The following TRPC3 variants were observed in gnomAD, a reference collection of about 807,000 sequenced individuals.
TRPC3 encodes the protein transient receptor potential cation channel subfamily C member 3.
In TRPC3, 54 loss-of-function variants were observed where a neutral mutation model predicts 90.9. The observed-to-expected ratio is 0.59, with a 90% CI of 0.48 to 0.75. The LOEUF is 0.75. TRPC3 is among the 30% of genes least tolerant of loss of function. The pLI is 0.00. For synonymous variants in TRPC3, 424 were observed against 450.9 expected (o/e 0.94, Z 0.75); for missense variants, 918 against 1,194.5 (o/e 0.77, Z 3.41).
At chr4:121,912,521 G>T (rs1729144632) in intron 4 of TRPC3, among the ~76,000 whole-genome samples, 2 of 152,046 alleles carry the variant, frequency 1.3e-5, no homozygotes, top group South Asian at 4.1e-4. Context: ...ACTCATATAA[G>T]ACCTTAAAAA....
chr4:121,881,354 C>T (rs1019798206), intron 11 of TRPC3, among the ~76,000 whole-genome samples: 6 of 152,112 alleles, frequency 3.9e-5, no homozygotes, highest in East Asian at 1.9e-4. Flanking sequence ...TTTTTTATGC[C>T]GTTTTAGCCA....
chr4:121,876,303 T>C lies in TRPC3; in HGVS notation c.*3433A>G, dbSNP rs1727761381. Among the ~76,000 whole-genome samples, 1 of 152,138 alleles carries C rather than the reference T, an allele frequency of 6.6e-6. No individual in the cohort carries two copies. The highest frequency in any genetic ancestry group is 1.5e-5 in the Non-Finnish European group (1 of 68,028). On this transcript the variant is annotated 3_prime_UTR_variant, in exon 12 of 12. Coordinates refer to ENST00000379645, the MANE Select transcript of TRPC3 (RefSeq NM_001130698.2). ...CTCTAAAAATGTATTTTAAAAACTT[T>C]ATTTAAAAAATTTAAAAAGACATGG...
At chr4:121,935,546 A>G (rs1242670424) in intron 1 of TRPC3, among the ~76,000 whole-genome samples, 1 of 152,180 alleles carries the variant, frequency 6.6e-6, no homozygotes, top group Non-Finnish European at 1.5e-5. Flanking sequence ...CAAATCTTGT[A>G]AATATTATAG....
rs1401204740 is a variant in TRPC3, at chr4:121,907,343, A to C, written c.2017T>G (p.Ser673Ala). 1 of 1,612,998 alleles carries C rather than the reference A, an allele frequency of 6.2e-7. No individual in the cohort carries two copies. The highest frequency in any genetic ancestry group is 8.5e-7 in the Non-Finnish European group (1 of 1,179,372). Residue 673 changes from serine to alanine, a missense_variant, in exon 7 of 12, where the codon TCT becomes GCT. Transcript: ENST00000379645. ...TTAACTTTAGCCCCAAGGTAGTAAG[A>C]ATAAAGTATGAACATGCCAATCATA... The part of the protein sequence containing the change: ...AFMIGMFILY[S>A]YYLGAKVNAA...
chr4:121,926,487 A>G (rs937429600), intron 2 of TRPC3, among the ~76,000 whole-genome samples: 1 of 150,838 alleles, frequency 6.6e-6, no homozygotes, highest in Non-Finnish European at 1.5e-5. Context: ...GCTCACTGCA[A>G]CCTCCGCCTC....
intron 10 of TRPC3, among the ~76,000 whole-genome samples, chr4:121,887,015 T>C (rs993816162): frequency 1.3e-5 from 2 of 152,200 alleles, no homozygotes; most frequent in South Asian, 2.1e-4. Context: ...TGGTTATACA[T>C]TGTTCTTTGT....
rs185102751 is a variant in TRPC3, at chr4:121,892,773, G to A, written c.2547+6839C>T. Among the ~76,000 whole-genome samples the A allele has an allele frequency of 1.8e-3, 281 of 152,110 alleles. 1 individual carries two copies. Among genetic ancestry groups the A allele is most frequent in the Non-Finnish European group, 3.1e-3 (212 of 67,984 alleles). On this transcript the variant is annotated intron_variant, in intron 10 of 11. Transcript: ENST00000379645. ...TTATAAAGCATCAATTTGCCTTAAC[G>A]TGATCAAAATAAAGATACCAGCAGA...
chr4:121,942,946 C>T (rs1398931175), intron 1 of TRPC3, among the ~76,000 whole-genome samples: 1 of 152,208 alleles, frequency 6.6e-6, no homozygotes, highest in African/African-American at 2.4e-5. Context: ...GTTTATGCTT[C>T]TAGGAACTGT....
At chr4:121,918,978 C>A (rs1297535154) in intron 3 of TRPC3, among the ~76,000 whole-genome samples, 1 of 152,192 alleles carries the variant, frequency 6.6e-6, no homozygotes, top group Non-Finnish European at 1.5e-5. Context: ...TTATGCCCAA[C>A]TGGATAACAT....
At chr4:121,884,945 G>C (rs563861063) in intron 10 of TRPC3, among the ~76,000 whole-genome samples, 59 of 152,284 alleles carry the variant, frequency 3.9e-4, no homozygotes, top group African/African-American at 1.4e-3. Context: ...ACATATCAGG[G>C]ATCTGGTTAA....
At position 121,951,433 on chromosome 4, in the gene TRPC3, G is replaced by A. The variant is rs1423195074; in HGVS notation, c.215+33C>T. On this transcript the variant is annotated intron_variant, in intron 1 of 11. Coordinates refer to ENST00000379645, the MANE Select transcript of TRPC3 (RefSeq NM_001130698.2). The surrounding 1 kb of genome is among the most constrained non-coding windows in gnomAD (Gnocchi z 4.4). The stretch of plus-strand genomic sequence containing the variant: ...CGCCCCCCGCCCGGCACCGCCCTCC[G>A]AGGCGCGGGCCGCGGCCGGGCCCGG... 3.4e-6 allele frequency: 4 copies of A among 1,181,988 alleles called. No individual in the cohort carries two copies. Among genetic ancestry groups the A allele is most frequent in the African/African-American group, 1.6e-5 (1 of 62,146 alleles). 73.2% of individuals were successfully genotyped at this position (1,181,988 alleles called of 1,614,324 possible).
intron 10 of TRPC3, among the ~76,000 whole-genome samples, chr4:121,883,455 C>T (rs917007379): frequency 2.6e-5 from 4 of 151,646 alleles, no homozygotes; most frequent in Non-Finnish European, 5.9e-5. Flanking sequence ...CTCAAATAAC[C>T]CGATTTTAAA....
At chr4:121,912,400 A>C (rs1237380732) in intron 4 of TRPC3, among the ~76,000 whole-genome samples, 1 of 152,180 alleles carries the variant, frequency 6.6e-6, no homozygotes, top group Non-Finnish European at 1.5e-5. Context: ...TTTACACAAA[A>C]GAATATGCAA....
rs1727747093 is a variant in TRPC3, at chr4:121,875,870, T to C, written c.*3866A>G. ...AAACTCTTTTTTAAACTGAACAAAG[T>C]TATAAATACCCATTTTAGATTTTTT... is the stretch of plus-strand genomic sequence containing the variant. On this transcript the variant is annotated 3_prime_UTR_variant, in exon 12 of 12. Coordinates refer to ENST00000379645, the MANE Select transcript of TRPC3 (RefSeq NM_001130698.2). 6.6e-6 allele frequency among the ~76,000 whole-genome samples: 1 copy of C among 150,518 alleles called. No homozygotes were observed. Among genetic ancestry groups the C allele is most frequent in the Non-Finnish European group, 1.5e-5 (1 of 67,782 alleles).
chr4:121,918,062 G>A (rs1277398297), intron 3 of TRPC3, among the ~76,000 whole-genome samples: 3 of 152,138 alleles, frequency 2.0e-5, no homozygotes, highest in Non-Finnish European at 4.4e-5. Flanking sequence ...TTCAAGAGGT[G>A]ATTAGGCCAT....
intron 2 of TRPC3, among the ~76,000 whole-genome samples, chr4:121,928,438 A>G (rs1729789583): frequency 6.6e-6 from 1 of 152,162 alleles, no homozygotes; most frequent in East Asian, 1.9e-4. Flanking sequence ...AAGATGGAGA[A>G]CTCCAGCTAA....
intron 1 of TRPC3, among the ~76,000 whole-genome samples, chr4:121,940,304 T>A (rs1408159728): frequency 6.6e-6 from 1 of 152,248 alleles, no homozygotes; most frequent in African/African-American, 2.4e-5. Flanking sequence ...ACTTGTTGAG[T>A]GTCTGTGTAG....
At chr4:121,934,366 G>T (rs1420427715) in intron 1 of TRPC3, among the ~76,000 whole-genome samples, 1 of 152,084 alleles carries the variant, frequency 6.6e-6, no homozygotes, top group South Asian at 2.1e-4. Flanking sequence ...ATATTTTGGT[G>T]GCTATTAAAA....
intron 5 of TRPC3, 143 bp downstream of exon 5, chr4:121,911,734 G>A: frequency 2.3e-6 from 2 of 870,850 alleles, no homozygotes; most frequent in Non-Finnish European, 3.3e-6. Context: ...AAATTATTTG[G>A]TTATTTTGCT....
Sources: allele counts gnomAD v4.1 joint callset (sites outside exome capture counted in the v4.1 genomes callset), GRCh38; gene constraint gnomAD v4.1.1; non-coding constraint Gnocchi (gnomAD v3.1); transcripts MANE v1.5; gene names NCBI Gene and HGNC (gene_info 2026-07-23, HGNC 2026-07-21).